Variants in KCNIP4 observed in about 807,000 individuals in gnomAD.
KCNIP4 encodes Kv channel-interacting protein 4.
KCNIP4 carries 12 observed loss-of-function variants against 34.0 expected under a neutral mutation model. That is an observed-to-expected ratio of 0.35 (90% confidence interval 0.23 to 0.57). The LOEUF (loss-of-function observed/expected upper bound fraction) is 0.57, where lower values mean the gene tolerates loss of function less well. KCNIP4 is among the 20% of genes least tolerant of loss of function. The pLI, the probability that KCNIP4 is intolerant of heterozygous loss-of-function variation, is 0.83. For synonymous variants in KCNIP4, 124 were observed against 102.2 expected (o/e 1.21, Z -1.29); for missense variants, 238 against 311.7 (o/e 0.76, Z 1.78).
At chr4:21,500,598 A>G (rs1319844944) in intron 1 of KCNIP4, among the ~76,000 whole-genome samples, 2 of 152,190 alleles carry the variant, frequency 1.3e-5, no homozygotes, top group Non-Finnish European at 2.9e-5. Context: ...AGTTCATTAC[A>G]GTAGAAAACT....
At chr4:20,928,026 A>G (rs1316407802) in intron 1 of KCNIP4, among the ~76,000 whole-genome samples, 3 of 152,126 alleles carry the variant, frequency 2.0e-5, no homozygotes, top group African/African-American at 7.2e-5. Context: ...ATAAAAGCAA[A>G]TTACTTTATG....
intron 3 of KCNIP4, among the ~76,000 whole-genome samples, chr4:20,778,592 C>A (rs979771551): frequency 6.6e-6 from 1 of 152,148 alleles, no homozygotes; most frequent in Non-Finnish European, 1.5e-5. Flanking sequence ...GGAAATGGTA[C>A]CTGGTGACCT....
At chr4:20,904,775 G>A (rs1727549921) in intron 1 of KCNIP4, among the ~76,000 whole-genome samples, 1 of 152,090 alleles carries the variant, frequency 6.6e-6, no homozygotes, top group Non-Finnish European at 1.5e-5. Flanking sequence ...AAGAACTCTT[G>A]ATTCAAATTT....
At chr4:21,265,042 T>C (rs1292582718) in intron 1 of KCNIP4, among the ~76,000 whole-genome samples, 2 of 151,976 alleles carry the variant, frequency 1.3e-5, no homozygotes, top group African/African-American at 4.8e-5. Context: ...AACATTGCAG[T>C]GAGCCGAGAT....
chr4:21,461,148 G>A (rs1729429728), intron 1 of KCNIP4, among the ~76,000 whole-genome samples: 1 of 151,918 alleles, frequency 6.6e-6, no homozygotes, highest in African/African-American at 2.4e-5. Context: ...TAGCACCATT[G>A]CCCTAGTGCT....
chr4:21,617,892 G>T (rs899937803), intron 1 of KCNIP4, among the ~76,000 whole-genome samples: 3 of 152,090 alleles, frequency 2.0e-5, no homozygotes, highest in Non-Finnish European at 4.4e-5. Context: ...ACTCAAAAAG[G>T]TTACTTGTTC....
chr4:21,170,818 G>A (rs913555794), intron 1 of KCNIP4, among the ~76,000 whole-genome samples: 25 of 152,248 alleles, frequency 1.6e-4, no homozygotes, highest in African/African-American at 5.1e-4. Flanking sequence ...GTATGTAAAA[G>A]TTAATTTTCC....
Position 21,229,500 on chromosome 4 carries a change from C to T in KCNIP4, c.62-346791G>A, listed in dbSNP as rs1348846974. 5.9e-5 allele frequency among the ~76,000 whole-genome samples: 9 copies of T among 152,300 alleles called. No individual in the cohort carries two copies. In the East Asian group the frequency reaches 1.7e-3, roughly 29 times the overall value. On this transcript the variant is annotated intron_variant, in intron 1 of 8. Transcript: ENST00000382152. ...TTGATTATTTATTCATTTGCAAACA[C>T]AGACGTTTTTGAACCTATAATGTGC...
intron 1 of KCNIP4, among the ~76,000 whole-genome samples, chr4:21,861,414 G>A (rs1725065798): frequency 6.6e-6 from 1 of 152,136 alleles, no homozygotes; most frequent in Non-Finnish European, 1.5e-5. Context: ...AACTTTGGGA[G>A]GCCAAGGCAG....
intron 1 of KCNIP4, among the ~76,000 whole-genome samples, chr4:21,494,301 T>C (rs942856915): frequency 1.7e-4 from 26 of 152,116 alleles, no homozygotes; most frequent in Non-Finnish European, 2.9e-5. Flanking sequence ...TTAGATGTTA[T>C]AAGGATTGAC....
At chr4:21,269,626 C>A (rs746044574) in intron 1 of KCNIP4, among the ~76,000 whole-genome samples, 18 of 152,102 alleles carry the variant, frequency 1.2e-4, no homozygotes, top group Non-Finnish European at 2.5e-4. Context: ...AACTCCTGAG[C>A]TCAAGCAATC....
intron 1 of KCNIP4, among the ~76,000 whole-genome samples, chr4:21,072,157 C>G (rs1745004129): frequency 6.6e-6 from 1 of 152,152 alleles, no homozygotes; most frequent in Non-Finnish European, 1.5e-5. Flanking sequence ...GGTATATACC[C>G]AGTAATGGGA....
chr4:21,640,889 T>C (rs1228165728), intron 1 of KCNIP4, among the ~76,000 whole-genome samples: 4 of 152,182 alleles, frequency 2.6e-5, no homozygotes, highest in African/African-American at 9.7e-5. Flanking sequence ...CTTAAAATCT[T>C]TGACAGGACC....
intron 1 of KCNIP4, among the ~76,000 whole-genome samples, chr4:21,787,522 C>A (rs1018371268): frequency 6.6e-6 from 1 of 152,312 alleles, no homozygotes; most frequent in Middle Eastern, 3.4e-3. Context: ...TTTCTCACAA[C>A]AACCCCATGA....
rs1398826791 is a variant in KCNIP4 at position 21,219,335 on chromosome 4, G to A, written c.62-336626C>T. ...GACAGAGATTGGAGACCCCACTGAT[G>A]TCACAGAAAGAATGGCTTGATATGC... On this transcript the variant is annotated intron_variant, in intron 1 of 8. Coordinates refer to ENST00000382152, the MANE Select transcript of KCNIP4 (RefSeq NM_025221.6). 2.6e-5 allele frequency among the ~76,000 whole-genome samples: 4 copies of A among 152,302 alleles called. No homozygotes were observed. The East Asian group carries it at 7.7e-4, about 29-fold the overall frequency.
At chr4:21,369,962 G>C (rs1228443087) in intron 1 of KCNIP4, among the ~76,000 whole-genome samples, 2 of 146,216 alleles carry the variant, frequency 1.4e-5, no homozygotes, top group Non-Finnish European at 2.9e-5. Context: ...CGAGTAGCTG[G>C]GACTACAGGC....
At chr4:20,964,826 T>A (rs1239360649) in intron 1 of KCNIP4, among the ~76,000 whole-genome samples, 1 of 152,168 alleles carries the variant, frequency 6.6e-6, no homozygotes, top group Non-Finnish European at 1.5e-5. Flanking sequence ...CAGATCCAAG[T>A]GCAATTTCAA....
chr4:21,567,738 T>C (rs1450645289), intron 1 of KCNIP4, among the ~76,000 whole-genome samples: 1 of 152,032 alleles, frequency 6.6e-6, no homozygotes, highest in African/African-American at 2.4e-5. Context: ...ACCCAAATAG[T>C]CTAATATAAA....
chr4:21,693,549 C>A (rs1053866003), intron 1 of KCNIP4, among the ~76,000 whole-genome samples: 3 of 152,070 alleles, frequency 2.0e-5, no homozygotes, highest in South Asian at 2.1e-4. Context: ...GGTGATAGAG[C>A]AAGACTCCGT....
Sources: gnomAD v4.1 joint callset for allele counts (sites outside exome capture counted in the v4.1 genomes callset) on GRCh38, gnomAD v4.1.1 for gene constraint, MANE v1.5 for transcripts, NCBI Gene and HGNC (gene_info 2026-07-23, HGNC 2026-07-21) for gene names.